The following UNC13C variants were observed in gnomAD, a reference collection of about 807,000 sequenced individuals.
UNC13C encodes the protein protein unc-13 homolog C.
In UNC13C, 174 loss-of-function variants were observed where a neutral mutation model predicts 245.4. The ratio of observed to expected loss-of-function variants is 0.71; its 90% CI spans 0.63 to 0.80. The LOEUF (loss-of-function observed/expected upper bound fraction) is 0.80. Ranked by LOEUF, UNC13C falls within the 30% of genes least tolerant of loss-of-function variation. The pLI is 0.00. For synonymous variants in UNC13C, 992 were observed against 895.1 expected (o/e 1.11, Z -1.93); for missense variants, 2,829 against 2,602.9 (o/e 1.09, Z -1.89).
the UNC13C span, among the ~76,000 whole-genome samples, chr15:53,856,134 T>C: frequency 3.9e-5 from 6 of 152,276 alleles, no homozygotes; most frequent in African/African-American, 1.4e-4. Context: ...TCAGTGGTGA[T>C]ATACACTTTA....
At chr15:54,273,374 CT>C (rs930414422) in intron 10 of UNC13C, among the ~76,000 whole-genome samples, 1 of 152,134 alleles carries the variant, frequency 6.6e-6, no homozygotes, top group African/African-American at 2.4e-5. Context: ...CCGCTTTTCC[CT>C]TTCCTCGCTT....
intron 2 of UNC13C, among the ~76,000 whole-genome samples, chr15:54,083,562 A>G (rs1899072346): frequency 1.3e-5 from 2 of 152,126 alleles, no homozygotes; most frequent in Non-Finnish European, 2.9e-5. Context: ...ACAATAGTAG[A>G]TGGGGTGGGG....
downstream of UNC13C, chr15:54,630,029 C>T (rs1466089708): frequency 6.6e-6 from 1 of 152,184 alleles, no homozygotes; most frequent in Non-Finnish European, 1.5e-5. Flanking sequence ...TTAGTAGTCA[C>T]TCTAAGGTTC....
the UNC13C span, chr15:53,947,799 A>T: frequency 6.6e-6 from 1 of 152,180 alleles, no homozygotes; most frequent in African/African-American, 2.4e-5. Flanking sequence ...ATAATGGTGA[A>T]GGGTTGTCAA....
At chr15:54,561,856 G>A (rs1013022351) in intron 29 of UNC13C, among the ~76,000 whole-genome samples, 4 of 151,954 alleles carry the variant, frequency 2.6e-5, no homozygotes, top group Non-Finnish European at 5.9e-5. Flanking sequence ...TATCAGCAAG[G>A]TGGTGGCTTT....
intron 1 of UNC13C, among the ~76,000 whole-genome samples, chr15:54,005,927 C>G (rs1895115070): frequency 6.6e-6 from 1 of 152,048 alleles, no homozygotes; most frequent in Admixed American, 6.6e-5. Context: ...GAAATTAAAT[C>G]AATGGGAAGG....
At chr15:54,287,643 G>C (rs574730391) in intron 10 of UNC13C, among the ~76,000 whole-genome samples, 34 of 152,180 alleles carry the variant, frequency 2.2e-4, no homozygotes, top group African/African-American at 8.2e-4. Context: ...GTAGTAAAGG[G>C]AGAAAAAAGA....
chr15:54,332,219 T>G, intron 15 of UNC13C, 108 bp downstream of exon 15: 1 of 746,884 alleles, frequency 1.3e-6, no homozygotes, highest in Non-Finnish European at 2.1e-6. Flanking sequence ...AAAATATTGA[T>G]CTCAGGTGCT....
intron 12 of UNC13C, 45 bp downstream of exon 12, chr15:54,297,971 T>C: frequency 1.6e-6 from 2 of 1,252,630 alleles, no homozygotes; most frequent in South Asian, 1.3e-5. Flanking sequence ...AGAAATGTTC[T>C]TGATTATGGA....
intron 10 of UNC13C, among the ~76,000 whole-genome samples, chr15:54,287,167 CA>C (rs1244633636): frequency 1.3e-5 from 2 of 152,124 alleles, no homozygotes; most frequent in African/African-American, 4.8e-5. Flanking sequence ...TGCATTCTCC[CA>C]CTATTACACA....
rs2040855182 is a variant in UNC13C at position 54,430,753 on chromosome 15, T to A, written c.4933+15686T>A. On this transcript the variant is annotated intron_variant, in intron 19 of 32. Transcript: ENST00000260323. ...TGTTTTCACTGCACTAAATACTATC[T>A]CAGGAATTTCAAGAACTAGAATGAG... 2.0e-5 allele frequency among the ~76,000 whole-genome samples: 3 copies of A among 151,724 alleles called. No homozygotes were observed. In the South Asian group the frequency reaches 6.2e-4, roughly 31 times the overall value.
intron 1 of UNC13C, among the ~76,000 whole-genome samples, chr15:53,995,485 A>T (rs1225658984): frequency 3.7e-5 from 3 of 81,078 alleles, no homozygotes; most frequent in African/African-American, 9.4e-5. Context: ...CCCCCCTGAA[A>T]GTTTTTTCAA....
At chr15:54,010,662 T>G (rs1895341987) in intron 1 of UNC13C, among the ~76,000 whole-genome samples, 1 of 152,156 alleles carries the variant, frequency 6.6e-6, no homozygotes, top group Non-Finnish European at 1.5e-5. Context: ...GGACATATAT[T>G]TTTAATTGTA....
chr15:53,855,479 A>G, the UNC13C span, among the ~76,000 whole-genome samples: 1 of 152,272 alleles, frequency 6.6e-6, no homozygotes, highest in East Asian at 1.9e-4. Context: ...ATCAATACCT[A>G]GTTAGTTAAG....
At chr15:54,161,261 T>C (rs571015780) in intron 4 of UNC13C, among the ~76,000 whole-genome samples, 1 of 152,210 alleles carries the variant, frequency 6.6e-6, no homozygotes, top group Non-Finnish European at 1.5e-5. Flanking sequence ...ATTTGTTCTA[T>C]ATGTAGTCTC....
intron 19 of UNC13C, among the ~76,000 whole-genome samples, chr15:54,425,938 C>A (rs1235464720): frequency 6.6e-6 from 1 of 151,760 alleles, no homozygotes; most frequent in Non-Finnish European, 1.5e-5. Context: ...CTTTCTCTCA[C>A]AAGCTTCCAG....
intron 18 of UNC13C, among the ~76,000 whole-genome samples, chr15:54,408,805 G>T (rs2040360292): frequency 6.6e-6 from 1 of 152,076 alleles, no homozygotes; most frequent in East Asian, 1.9e-4. Context: ...TGTTTTTTAT[G>T]AAATATGCGA....
At chr15:54,598,068 T>C (rs993522017) in intron 30 of UNC13C, among the ~76,000 whole-genome samples, 2 of 152,194 alleles carry the variant, frequency 1.3e-5, no homozygotes, top group African/African-American at 4.8e-5. Context: ...TGTAGAAGAC[T>C]CCTACAATGA....
chr15:54,218,579 A>C lies in UNC13C; in HGVS notation c.3072-16451A>C, dbSNP rs2140772985. Among the ~76,000 whole-genome samples the C allele has an allele frequency of 2.0e-5, 3 of 152,088 alleles. No homozygotes were observed. The Middle Eastern group carries it at 0.01, about 517-fold the overall frequency. On this transcript the variant is annotated intron_variant, in intron 4 of 32. Transcript: ENST00000260323. Reference sequence around the variant, plus strand: ...ATGAAGCTCAAAGACAGAAGTTGAAAGAGATGAGCTATGAGGGGGCAATTA... The same window carrying C: ...ATGAAGCTCAAAGACAGAAGTTGAACGAGATGAGCTATGAGGGGGCAATTA...
Sources: allele counts gnomAD v4.1 joint callset (sites outside exome capture counted in the v4.1 genomes callset), GRCh38; gene constraint gnomAD v4.1.1; transcripts MANE v1.5; gene names NCBI Gene and HGNC (gene_info 2026-07-23, HGNC 2026-07-21).